Variants in TP53I3 observed in about 807,000 individuals in gnomAD.
TP53I3 encodes the protein tumor protein p53 inducible protein 3.
TP53I3 carries 32 observed loss-of-function variants against 27.7 expected under a neutral mutation model. The observed-to-expected ratio is 1.16, with a 90% CI of 0.87 to 1.55. TP53I3 has a LOEUF of 1.55. Among genes scored for constraint, TP53I3 ranks in the 40% most tolerant of loss-of-function variants. TP53I3 has a pLI of 0.00. For synonymous variants in TP53I3, 138 were observed against 167.8 expected (o/e 0.82, Z 1.37); for missense variants, 372 against 412.3 (o/e 0.90, Z 0.85).
In TP53I3 at chr2:24,077,709, G is replaced by A; in HGVS notation, c.869C>T (p.Ser290Phe). 2 of 1,614,062 alleles carry A rather than the reference G, an allele frequency of 1.2e-6. No individual in the cohort carries two copies. The highest frequency in any genetic ancestry group is 1.1e-5 in the South Asian group (1 of 91,074). Residue 290 changes from serine (S) to phenylalanine (F), a missense_variant, in exon 5 of 5, where the codon TCC becomes TTC. Transcript: ENST00000238721. This position sits in a 1 kb window ranked among gnomAD's most constrained non-coding sequence, Gnocchi z 5.5. The part of the protein sequence containing the change: ...AFTEQILPHF[S>F]TEGPQRLLPV... ...CAGCAGACGTTGGGGGCCCTCCGTG[G>A]AGAAGTGAGGCAGAATTTGCTCCGT...
At chr2:24,083,743 C>T (rs1665121557) in intron 1 of TP53I3, among the ~76,000 whole-genome samples, 1 of 152,200 alleles carries the variant, frequency 6.6e-6, no homozygotes, top group African/African-American at 2.4e-5. Flanking sequence ...AGCTCCGGGA[C>T]TCTCAGAGTG....
At position 24,079,609 on chromosome 2, in the gene TP53I3, T is replaced by C; in HGVS notation, c.651A>G (p.Ile217Met). The C allele has an allele frequency of 6.2e-7, 1 of 1,614,160 alleles. No homozygotes were observed. The highest frequency in any genetic ancestry group is 8.5e-7 in the Non-Finnish European group (1 of 1,180,022). ...CGTTCTTCTCCCAGTAGGATCCGCC[T>C]ATGCAGTCTAGAATAAGATTAACTC... The part of the protein sequence containing the change: ...GAGVNLILDC[I>M]GGSYWEKNVN... The change falls in exon 4 of 5, where the codon ATA becomes ATG. Residue 217 changes from isoleucine to methionine, a missense_variant. Physicochemically the swap from Ile to Met is conservative, Grantham distance 10 (BLOSUM62 1). Transcript: ENST00000238721.
chr2:24,083,134 G>T lies in TP53I3; in HGVS notation c.157C>A (p.Pro53Thr). ...AAAATGTTGCTGGCTCCTGGAGGTG[G>T]GTCATACTGGCCTTGTCTCTGCAGA... ...DLMQRQGQYD[P>T]PPGASNILGL... The change falls in exon 2 of 5, where the codon CCA (proline) becomes ACA (threonine). Residue 53 changes from proline (P) to threonine (T), a missense_variant. Coordinates refer to ENST00000238721, the MANE Select transcript of TP53I3 (RefSeq NM_004881.5). The T allele has an allele frequency of 1.9e-6, 3 of 1,612,140 alleles. No individual in the cohort carries two copies. Among genetic ancestry groups the T allele is most frequent in the Non-Finnish European group, 2.5e-6 (3 of 1,178,812 alleles).
Position 24,084,384 on chromosome 2 carries a change from G to T in TP53I3, c.-58C>A, listed in dbSNP as rs2150988037. 3.7e-6 allele frequency: 5 copies of T among 1,343,884 alleles called. No individual in the cohort carries two copies. The highest frequency in any genetic ancestry group is 4.1e-6 in the Non-Finnish European group (4 of 966,664). 83.2% of individuals were successfully genotyped at this position (1,343,884 alleles called of 1,614,324 possible). On this transcript the variant is annotated 5_prime_UTR_variant, in exon 1 of 5. Transcript: ENST00000238721. This position sits in a 1 kb window ranked among gnomAD's most constrained non-coding sequence, Gnocchi z 8.4. The stretch of plus-strand genomic sequence containing the variant: ...GACAGGACAGGGCAGGGCAGGGCAG[G>T]ACAGGACAGGGCAGGGCAGGACAGG...
rs370139617 is a variant in TP53I3 at position 24,082,915 on chromosome 2, G to A, written c.376C>T (p.Leu126Phe). The A allele has an allele frequency of 1.2e-6, 2 of 1,612,066 alleles. No homozygotes were observed. The highest frequency in any genetic ancestry group is 2.7e-5 in the African/African-American group (2 of 74,896). ...TQAAAIPEAW[L>F]TAFQLLHLVG... ...AGATGTAACAGCTGGAAGGCGGTGAGCCAGGCCTCTGGGATGGCTGCAGCC... is the reference window on the plus strand; with the variant it reads ...AGATGTAACAGCTGGAAGGCGGTGAACCAGGCCTCTGGGATGGCTGCAGCC... The change falls in exon 2 of 5, where the codon CTC becomes TTC. Residue 126 changes from leucine (L) to phenylalanine (F), a missense_variant. Coordinates refer to ENST00000238721, the MANE Select transcript of TP53I3 (RefSeq NM_004881.5).
chr2:24,083,807 C>T (rs1357551582), intron 1 of TP53I3, among the ~76,000 whole-genome samples: 1 of 152,138 alleles, frequency 6.6e-6, no homozygotes, highest in Non-Finnish European at 1.5e-5. Context: ...AATCCCAGCT[C>T]TTCTGATTGC....
In TP53I3 at chr2:24,084,340, A is replaced by ACAGGGCAGGGCAGGG. The variant is rs755835447; in HGVS notation, c.-29_-15dup. On this transcript the variant is annotated 5_prime_UTR_variant, in exon 1 of 5. Coordinates refer to ENST00000238721, the MANE Select transcript of TP53I3 (RefSeq NM_004881.5). This position sits in a 1 kb window ranked among gnomAD's most constrained non-coding sequence, Gnocchi z 8.4. The stretch of plus-strand genomic sequence containing the variant: ...CACGGCTAACATATTGTCTGAGGAC[A>ACAGGGCAGGGCAGGG]CAGGGCAGGGCAGGGCAGGACAGGA... 1 of 1,476,438 alleles carries ACAGGGCAGGGCAGGG rather than the reference A, an allele frequency of 6.8e-7. No individual in the cohort carries two copies. Among genetic ancestry groups the ACAGGGCAGGGCAGGG allele is most frequent in the Non-Finnish European group, 9.2e-7 (1 of 1,085,130 alleles). The allele number at this position is 1,476,438 out of a possible 1,614,324, so 91.5% of individuals were successfully genotyped here.
intron 2 of TP53I3, among the ~76,000 whole-genome samples, chr2:24,081,882 A>AG (rs1665021331): frequency 6.6e-6 from 1 of 151,966 alleles, no homozygotes; most frequent in Non-Finnish European, 1.5e-5. Flanking sequence ...TTTTTAGTAG[A>AG]GATGAAGTTT....
chr2:24,084,417 AGGGGCC>A lies in TP53I3; in HGVS notation c.-97_-92del, dbSNP rs1168763450. The A allele has an allele frequency of 3.9e-5, 56 of 1,420,330 alleles. No homozygotes were observed. Among genetic ancestry groups the A allele is most frequent in the African/African-American group, 4.3e-5 (3 of 69,234 alleles). The allele number at this position is 1,420,330 out of a possible 1,614,324, so 88.0% of individuals were successfully genotyped here. On this transcript the variant is annotated 5_prime_UTR_variant, in exon 1 of 5. Transcript: ENST00000238721. The surrounding 1 kb of genome is among the most constrained non-coding windows in gnomAD (Gnocchi z 8.4). ...AGGGCAGGGCAGGACAGGACAGGGC[AGGGGCC>A]GCTGTATCCTCGCGGAGCAGCCCAG... is the stretch of plus-strand genomic sequence containing the variant.
At chr2:24,082,480 A>G (rs1195248375) in intron 2 of TP53I3, among the ~76,000 whole-genome samples, 1 of 152,188 alleles carries the variant, frequency 6.6e-6, no homozygotes, top group Non-Finnish European at 1.5e-5. Flanking sequence ...TCTCAGTTAC[A>G]CTGCACTGTC....
chr2:24,078,835 G>T (rs1315374837), intron 4 of TP53I3: 1 of 152,546 alleles, frequency 6.6e-6, no homozygotes, highest in African/African-American at 2.4e-5. Flanking sequence ...TCCCAAAGGT[G>T]GTACCTGCTA....
chr2:24,079,789 T>C lies in TP53I3; in HGVS notation c.620-149A>G, dbSNP rs1035946739. 4 of 740,660 alleles carry C rather than the reference T, an allele frequency of 5.4e-6. No homozygotes were observed. The African/African-American group carries it at 7.1e-5, about 13-fold the overall frequency. 45.9% of individuals were successfully genotyped at this position (740,660 alleles called of 1,614,324 possible). A position where few individuals can be genotyped will look rare whatever the true frequency, so the allele number is the denominator to read the frequency against. ...ACACTGCTTGAAGAACTGTTGTAAA[T>C]GGAGTTTAGATAGCAGAACTCTATG... On this transcript the variant is annotated intron_variant, in intron 3 of 4. Coordinates refer to ENST00000238721, the MANE Select transcript of TP53I3 (RefSeq NM_004881.5).
At chr2:24,082,252 A>G (rs937774512) in intron 2 of TP53I3, among the ~76,000 whole-genome samples, 4 of 152,124 alleles carry the variant, frequency 2.6e-5, no homozygotes, top group African/African-American at 9.7e-5. Flanking sequence ...CCAAAGTGCT[A>G]CGATTATAGG....
rs1165507063 is a variant in TP53I3, at chr2:24,084,321, T to A, written c.6A>T (p.Leu2Phe). The change falls in exon 1 of 5, where the codon TTA becomes TTT. Residue 2 changes from leucine to phenylalanine, a missense_variant. Physicochemically the swap from Leu to Phe is conservative, Grantham distance 22. Transcript: ENST00000238721. The surrounding 1 kb of genome is among the most constrained non-coding windows in gnomAD (Gnocchi z 8.4). MLAVHFDKPGGP... is the reference protein window; with the variant it reads MFAVHFDKPGGP... ...CTCCCGGCTTGTCAAAGTGCACGGC[T>A]AACATATTGTCTGAGGACACAGGGC... 6.2e-7 allele frequency: 1 copy of A among 1,613,482 alleles called. No individual in the cohort carries two copies. Among genetic ancestry groups the A allele is most frequent in the Non-Finnish European group, 8.5e-7 (1 of 1,179,956 alleles).
Position 24,084,526 on chromosome 2 carries a change from CG to C in TP53I3, c.-201del. On this transcript the variant is annotated 5_prime_UTR_variant, in exon 1 of 5. Coordinates refer to ENST00000238721, the MANE Select transcript of TP53I3 (RefSeq NM_004881.5). This position sits in a 1 kb window ranked among gnomAD's most constrained non-coding sequence, Gnocchi z 8.4. ...TCTGCCGCGGACCCGGCCTCCGCCC[CG>C]AGCTCCTGCCTGGGAAGTCCTCGGC... The C allele has an allele frequency of 1.5e-6, 1 of 679,006 alleles. No individual in the cohort carries two copies. The highest frequency in any genetic ancestry group is 2.3e-6 in the Non-Finnish European group (1 of 441,844). 42.1% of individuals were successfully genotyped at this position (679,006 alleles called of 1,614,324 possible).
rs184526039 is a variant in TP53I3 at position 24,082,603 on chromosome 2, C to T, written c.406+282G>A. On this transcript the variant is annotated intron_variant, in intron 2 of 4. Transcript: ENST00000238721. ...TGGTCCCTTCTGTTGCACTGGGACC[C>T]CAGAGAGAAGCTCAGTATGATTCTA... 8.5e-5 allele frequency among the ~76,000 whole-genome samples: 13 copies of T among 152,242 alleles called. No individual in the cohort carries two copies. The East Asian group carries it at 2.3e-3, about 27-fold the overall frequency.
At position 24,084,377 on chromosome 2, in the gene TP53I3, AG is replaced by A; in HGVS notation, c.-52del. 7.2e-7 allele frequency: 1 copy of A among 1,381,416 alleles called. No individual in the cohort carries two copies. The highest frequency in any genetic ancestry group is 1.2e-5 in the South Asian group (1 of 80,358). 85.6% of individuals were successfully genotyped at this position (1,381,416 alleles called of 1,614,324 possible). On this transcript the variant is annotated 5_prime_UTR_variant, in exon 1 of 5. Coordinates refer to ENST00000238721, the MANE Select transcript of TP53I3 (RefSeq NM_004881.5). This position sits in a 1 kb window ranked among gnomAD's most constrained non-coding sequence, Gnocchi z 8.4. The stretch of plus-strand genomic sequence containing the variant: ...AGGGCAGGACAGGACAGGGCAGGGC[AG>A]GGCAGGACAGGACAGGGCAGGGCAG...
chr2:24,081,665 C>T (rs1665006878), intron 2 of TP53I3, among the ~76,000 whole-genome samples: 1 of 151,952 alleles, frequency 6.6e-6, no homozygotes, highest in African/African-American at 2.4e-5. Flanking sequence ...CTACTGAGTG[C>T]AGTGGCTGGT....
At position 24,082,953 on chromosome 2, in the gene TP53I3, A is replaced by T. The variant is rs1428830770; in HGVS notation, c.338T>A (p.Leu113Ter). The T allele has an allele frequency of 6.2e-7, 1 of 1,614,026 alleles. No individual in the cohort carries two copies. The change falls in exon 2 of 5, where the codon TTG (leucine) becomes TAG (stop). Residue 113 changes from leucine (L) to a stop codon, truncating the protein, a stop_gained. Coordinates refer to ENST00000238721, the MANE Select transcript of TP53I3 (RefSeq NM_004881.5). LOFTEE classifies it high-confidence loss of function. ...EGLLMPIPEG[L>*]TLTQAAAIPE... is the part of the protein sequence containing the mutation. ...GATGGCTGCAGCCTGGGTCAGGGTC[A>T]ATCCCTCTGGGATAGGCATGAGGAG...
Sources: gnomAD v4.1 joint callset for allele counts (sites outside exome capture counted in the v4.1 genomes callset) on GRCh38, gnomAD v4.1.1 for gene constraint, Gnocchi (gnomAD v3.1) non-coding constraint, MANE v1.5 for transcripts, NCBI Gene and HGNC (gene_info 2026-07-23, HGNC 2026-07-21) for gene names.